TTLL7: variants seen among roughly 807,000 people sequenced by gnomAD.
The protein encoded by TTLL7 is tubulin tyrosine ligase like 7.
In TTLL7, 53 loss-of-function variants were observed where a neutral mutation model predicts 120.2. That is an observed-to-expected ratio of 0.44 (90% CI 0.35 to 0.55). TTLL7 has a LOEUF of 0.55. TTLL7 is among the 20% of genes least tolerant of loss of function. TTLL7 has a pLI of 0.00. For missense variants in TTLL7, 803 were observed against 1,054.7 expected (o/e 0.76, Z 3.31); for synonymous variants, 353 against 351.7 (o/e 1.00, Z -0.04).
chr1:83,978,245 T>C (rs1042470333), intron 1 of TTLL7, among the ~76,000 whole-genome samples: 7 of 152,060 alleles, frequency 4.6e-5, no homozygotes, highest in African/African-American at 1.2e-4. Context: ...GGAAGGGAGA[T>C]TGAGTTACAA....
At chr1:83,926,689 A>G (rs1298242627) in intron 10 of TTLL7, among the ~76,000 whole-genome samples, 1 of 152,220 alleles carries the variant, frequency 6.6e-6, no homozygotes, top group East Asian at 1.9e-4. Context: ...TTAAATGCTC[A>G]TGCTGCAAGC....
chr1:83,903,587 T>A (rs556691150), intron 18 of TTLL7, among the ~76,000 whole-genome samples: 18 of 152,196 alleles, frequency 1.2e-4, no homozygotes, highest in African/African-American at 4.3e-4. Flanking sequence ...CTGTATATTT[T>A]AAATCATCTC....
intron 1 of TTLL7, among the ~76,000 whole-genome samples, chr1:83,997,288 T>A (rs192860904): frequency 0.012 from 1,764 of 152,284 alleles, 34 homozygotes; most frequent in African/African-American, 0.04. Context: ...GCAACCTGCC[T>A]CTTGAGACAT....
chr1:83,880,869 C>T (rs1222059154), intron 20 of TTLL7, among the ~76,000 whole-genome samples: 2 of 152,060 alleles, frequency 1.3e-5, no homozygotes, highest in African/African-American at 4.8e-5. Context: ...ACCAAAACAG[C>T]ATGGTACTGG....
At chr1:83,982,570 A>T (rs1222740290) in intron 1 of TTLL7, among the ~76,000 whole-genome samples, 2 of 152,150 alleles carry the variant, frequency 1.3e-5, no homozygotes, top group African/African-American at 4.8e-5. Flanking sequence ...CACAAAAAAA[A>T]TGATATGTAC....
At chr1:83,904,390 T>A (rs1054905980) in intron 17 of TTLL7, among the ~76,000 whole-genome samples, 3 of 152,062 alleles carry the variant, frequency 2.0e-5, no homozygotes, top group African/African-American at 7.2e-5. Context: ...ATTCCAGCAC[T>A]TTGGGAGGCT....
chr1:83,974,110 A>G (rs597569), intron 1 of TTLL7, among the ~76,000 whole-genome samples: 1 of 152,070 alleles, frequency 6.6e-6, no homozygotes, highest in African/African-American at 2.4e-5. Context: ...GAATAGGTCA[A>G]AAGAAAAAAC....
intron 18 of TTLL7, among the ~76,000 whole-genome samples, chr1:83,891,837 C>CT (rs869152160): frequency 1.3e-5 from 2 of 150,952 alleles, no homozygotes; most frequent in African/African-American, 2.4e-5. Flanking sequence ...TGATACCACC[C>CT]TTTTTTTTGA....
At chr1:83,889,171 C>A (rs1225688071) in intron 19 of TTLL7, among the ~76,000 whole-genome samples, 2 of 152,018 alleles carry the variant, frequency 1.3e-5, no homozygotes, top group Non-Finnish European at 2.9e-5. Context: ...TCCTTCTTCA[C>A]ATGGCGGCAG....
intron 1 of TTLL7, among the ~76,000 whole-genome samples, chr1:83,960,453 T>C (rs1649913147): frequency 6.6e-6 from 1 of 152,056 alleles, no homozygotes; most frequent in Non-Finnish European, 1.5e-5. Context: ...CAGCAGGACT[T>C]GGTGACTGAT....
intron 7 of TTLL7, among the ~76,000 whole-genome samples, chr1:83,939,211 C>A (rs1192171483): frequency 6.6e-6 from 1 of 151,998 alleles, no homozygotes; most frequent in Non-Finnish European, 1.5e-5. Flanking sequence ...AAGCATAAAT[C>A]TTATGCTTAC....
At chr1:83,970,057 A>G (rs1157676274) in intron 1 of TTLL7, among the ~76,000 whole-genome samples, 1 of 152,020 alleles carries the variant, frequency 6.6e-6, no homozygotes, top group Non-Finnish European at 1.5e-5. Flanking sequence ...AATGATGAAA[A>G]GAATCAATTA....
Position 83,933,881 on chromosome 1 carries a change from TCTAGC to T in TTLL7, c.889-120_889-116del. ...GCCAAGTTTACAAAGCTCTGTGGCA[TCTAGC>T]CCCTGCCACTGCTCTGACTTCATTC... On this transcript the variant is annotated intron_variant, in intron 8 of 20. Transcript: ENST00000260505. The T allele has an allele frequency of 1.4e-5, 13 of 918,848 alleles. No homozygotes were observed. The South Asian group carries it at 1.8e-4, about 13-fold the overall frequency. The allele number at this position is 918,848 out of a possible 1,614,324, so 56.9% of individuals were successfully genotyped here.
At chr1:83,991,864 C>G (rs1016990327) in intron 1 of TTLL7, among the ~76,000 whole-genome samples, 1 of 152,044 alleles carries the variant, frequency 6.6e-6, no homozygotes, top group Non-Finnish European at 1.5e-5. Context: ...CCAGTAGAAG[C>G]TACACTTGAG....
intron 18 of TTLL7, among the ~76,000 whole-genome samples, chr1:83,892,499 C>T (rs1370991507): frequency 1.0e-5 from 1 of 99,312 alleles, no homozygotes; most frequent in Non-Finnish European, 2.2e-5. Context: ...TATATATGAA[C>T]ATATGAATGA....
Position 83,914,323 on chromosome 1 carries a change from CTTTT to C in TTLL7, c.1588-2964_1588-2961del, listed in dbSNP as rs1171299360. On this transcript the variant is annotated intron_variant, in intron 14 of 20. Coordinates refer to ENST00000260505, the MANE Select transcript of TTLL7 (RefSeq NM_024686.6). The stretch of plus-strand genomic sequence containing the variant: ...TAAATGTTCTTCCACCTCTCTCTCT[CTTTT>C]TTTTTTTTTTTTTTTTTTTTTGTGA... Among the ~76,000 whole-genome samples the C allele has an allele frequency of 1.5e-4, 12 of 78,278 alleles. No individual in the cohort carries two copies. The South Asian group carries it at 1.8e-3, about 11-fold the overall frequency. 51.4% of individuals were successfully genotyped at this position (78,278 alleles called of 152,430 possible). A position where few individuals can be genotyped will look rare whatever the true frequency, so the allele number is the denominator to read the frequency against.
At chr1:83,895,461 A>T (rs559540566) in intron 18 of TTLL7, among the ~76,000 whole-genome samples, 2 of 152,080 alleles carry the variant, frequency 1.3e-5, no homozygotes, top group Admixed American at 6.6e-5. Flanking sequence ...CTTTCCAAAA[A>T]TCTCAAGCTT....
At chr1:83,878,098 T>C (rs1654097358) in intron 20 of TTLL7, among the ~76,000 whole-genome samples, 1 of 151,874 alleles carries the variant, frequency 6.6e-6, no homozygotes, top group Non-Finnish European at 1.5e-5. Context: ...AAAAGTATAC[T>C]TTTTGACTAT....
At chr1:83,896,286 GA>G (rs1035312736) in intron 18 of TTLL7, among the ~76,000 whole-genome samples, 3 of 151,938 alleles carry the variant, frequency 2.0e-5, no homozygotes, top group African/African-American at 7.3e-5. Context: ...CTCTCCAAGG[GA>G]AAAAACAAAT....
Sources: allele counts gnomAD v4.1 joint callset (sites outside exome capture counted in the v4.1 genomes callset), GRCh38; gene constraint gnomAD v4.1.1; transcripts MANE v1.5; gene names NCBI Gene and HGNC (gene_info 2026-07-23, HGNC 2026-07-21).